Variants in METAP1 observed in about 807,000 individuals in gnomAD.
The protein encoded by METAP1 is methionyl aminopeptidase 1.
Under a neutral mutation model 53.8 loss-of-function variants are expected in METAP1, and 28 were observed. The observed-to-expected ratio is 0.52, with a 90% confidence interval of 0.39 to 0.71. The LOEUF is 0.71. METAP1 is among the 30% of genes least tolerant of loss of function. The pLI is 0.00. For synonymous variants in METAP1, 181 were observed against 165.7 expected (o/e 1.09, Z -0.71); for missense variants, 389 against 479.8 (o/e 0.81, Z 1.77).
chr4:99,054,156 G>A (rs1472415650), intron 9 of METAP1, among the ~76,000 whole-genome samples: 1 of 152,078 alleles, frequency 6.6e-6, no homozygotes, highest in Non-Finnish European at 1.5e-5. Flanking sequence ...AGTCCTAGGT[G>A]GCATTTTCTT....
At chr4:99,034,458 T>A in intron 3 of METAP1, 116 bp downstream of exon 3, 1 of 679,528 alleles carries the variant, frequency 1.5e-6, no homozygotes, top group Non-Finnish European at 2.6e-6. Flanking sequence ...ACAAAGGAAC[T>A]CGAATTTTAG....
At chr4:99,058,570 G>C (rs1727313683) in intron 10 of METAP1, among the ~76,000 whole-genome samples, 1 of 152,056 alleles carries the variant, frequency 6.6e-6, no homozygotes, top group African/African-American at 2.4e-5. Context: ...GAGCTTTCTG[G>C]TTAGGGGATG....
intron 10 of METAP1, among the ~76,000 whole-genome samples, chr4:99,058,925 A>G (rs921821834): frequency 1.3e-5 from 2 of 152,258 alleles, no homozygotes; most frequent in Non-Finnish European, 2.9e-5. Flanking sequence ...TATACTTTAA[A>G]AGACTGCACA....
intron 1 of METAP1, among the ~76,000 whole-genome samples, chr4:99,011,913 C>G (rs1723490488): frequency 6.6e-6 from 1 of 152,204 alleles, no homozygotes; most frequent in South Asian, 2.1e-4. Flanking sequence ...TCACTCCAGC[C>G]TGGGCAACAA....
intron 3 of METAP1, 24 bp from the exon 4 acceptor site, chr4:99,035,375 CA>C: frequency 6.6e-7 from 1 of 1,510,468 alleles, no homozygotes. Flanking sequence ...GTTGGTAAAT[CA>C]GTTTTAACTA....
intron 4 of METAP1, among the ~76,000 whole-genome samples, chr4:99,038,714 T>C (rs1725617230): frequency 6.6e-6 from 1 of 152,114 alleles, no homozygotes; most frequent in African/African-American, 2.4e-5. Flanking sequence ...TTAGTGAAGA[T>C]TTTTAGGGCA....
intron 1 of METAP1, among the ~76,000 whole-genome samples, chr4:99,020,235 A>G (rs1285619001): frequency 1.3e-5 from 2 of 151,946 alleles, no homozygotes; most frequent in Non-Finnish European, 2.9e-5. Context: ...TTGCTCTGCT[A>G]CTCTCTCTGG....
chr4:99,057,168 T>G (rs1727208476), intron 9 of METAP1, among the ~76,000 whole-genome samples: 1 of 152,206 alleles, frequency 6.6e-6, no homozygotes, highest in African/African-American at 2.4e-5. Flanking sequence ...CGCACCCAGC[T>G]TATTTTTTAA....
chr4:99,011,051 T>A (rs1258815998), intron 1 of METAP1, among the ~76,000 whole-genome samples: 1 of 152,008 alleles, frequency 6.6e-6, no homozygotes, highest in Non-Finnish European at 1.5e-5. Flanking sequence ...CAGTTTTTTT[T>A]TTAATGAAAT....
intron 1 of METAP1, chr4:99,026,477 T>C (rs1390706276): frequency 3.0e-6 from 3 of 985,316 alleles, no homozygotes; most frequent in African/African-American, 1.7e-5. Flanking sequence ...GACGTAGTTA[T>C]AACGGTGAGT....
At chr4:99,042,141 T>C (rs1052612265) in intron 6 of METAP1, among the ~76,000 whole-genome samples, 1 of 152,060 alleles carries the variant, frequency 6.6e-6, no homozygotes, top group East Asian at 1.9e-4. Flanking sequence ...TTGTAAGTGA[T>C]GGAATTGGCA....
At chr4:99,054,896 A>C (rs1200286011) in intron 9 of METAP1, among the ~76,000 whole-genome samples, 1 of 152,120 alleles carries the variant, frequency 6.6e-6, no homozygotes, top group Non-Finnish European at 1.5e-5. Flanking sequence ...TGGTGCTCCA[A>C]AACAATTAAA....
intron 1 of METAP1, among the ~76,000 whole-genome samples, chr4:99,021,241 C>T (rs889045679): frequency 6.6e-6 from 1 of 152,220 alleles, no homozygotes; most frequent in Admixed American, 6.5e-5. Flanking sequence ...ACATACATCA[C>T]ACAACCCTTC....
intron 1 of METAP1, among the ~76,000 whole-genome samples, chr4:99,003,566 A>T (rs1553939832): frequency 6.6e-6 from 1 of 152,218 alleles, no homozygotes; most frequent in Non-Finnish European, 1.5e-5. Flanking sequence ...AAAAATGTGA[A>T]TGTTGTTACA....
At chr4:99,019,340 T>C (rs1310270993) in intron 1 of METAP1, among the ~76,000 whole-genome samples, 3 of 152,196 alleles carry the variant, frequency 2.0e-5, no homozygotes, top group African/African-American at 7.2e-5. Flanking sequence ...AAAGAGCCCC[T>C]GACTCACGTA....
chr4:99,049,238 C>T (rs1314963806), intron 9 of METAP1, among the ~76,000 whole-genome samples: 1 of 152,136 alleles, frequency 6.6e-6, no homozygotes, highest in Admixed American at 6.5e-5. Flanking sequence ...TAACAGACAG[C>T]TGGAATTGGC....
intron 1 of METAP1, among the ~76,000 whole-genome samples, chr4:99,006,039 A>G (rs1256576198): frequency 6.6e-6 from 1 of 152,200 alleles, no homozygotes; most frequent in African/African-American, 2.4e-5. Context: ...AAATGGTGGT[A>G]CTTATAGAGA....
intron 1 of METAP1, among the ~76,000 whole-genome samples, chr4:99,014,861 T>C (rs1395513245): frequency 6.6e-6 from 1 of 152,190 alleles, no homozygotes; most frequent in Non-Finnish European, 1.5e-5. Flanking sequence ...CCCTGCATCC[T>C]GTGAAATTTC....
chr4:99,014,976 A>G (rs1307844997), intron 1 of METAP1, among the ~76,000 whole-genome samples: 1 of 152,166 alleles, frequency 6.6e-6, no homozygotes, highest in Non-Finnish European at 1.5e-5. Context: ...AGGGTGTTGT[A>G]CTTCAGGATA....
Sources: gnomAD v4.1 joint callset for allele counts (sites outside exome capture counted in the v4.1 genomes callset) on GRCh38, gnomAD v4.1.1 for gene constraint, MANE v1.5 for transcripts, NCBI Gene and HGNC (gene_info 2026-07-23, HGNC 2026-07-21) for gene names.